Variants in NLRC5 observed in about 807,000 individuals in gnomAD.
NLRC5 encodes protein NLRC5.
A neutral mutation model predicts 206.9 loss-of-function variants in NLRC5; 114 were observed. That is an observed-to-expected ratio of 0.55 (90% CI 0.47 to 0.64). NLRC5 has a LOEUF of 0.64. Ranked by LOEUF, NLRC5 falls within the 30% of genes least tolerant of loss-of-function variation. The probability of loss-of-function intolerance (pLI) is 0.00; values close to 1 mark genes in which losing one functional copy is unlikely to be tolerated. For synonymous variants in NLRC5, 952 were observed against 962.8 expected (o/e 0.99, Z 0.21); for missense variants, 2,008 against 2,305.5 (o/e 0.87, Z 2.64).
chr16:57,023,906 G>A (rs571314521), intron 5 of NLRC5, 53 bp downstream of exon 5: 805 of 1,510,530 alleles, frequency 5.3e-4, no homozygotes, highest in Non-Finnish European at 6.9e-4. Flanking sequence ...TTGCCTGGGG[G>A]CCAAGACCCG....
chr16:57,045,287 A>G, intron 20 of NLRC5, 161 bp from the exon 21 acceptor site: 1 of 629,478 alleles, frequency 1.6e-6, no homozygotes, highest in East Asian at 2.8e-5. Flanking sequence ...TGTGCTTTGC[A>G]TGTGACTTGA....
Position 57,046,649 on chromosome 16 carries a change from C to T in NLRC5, c.3338+8C>T. 1 of 1,611,248 alleles carries T rather than the reference C, an allele frequency of 6.2e-7. No individual in the cohort carries two copies. Among genetic ancestry groups the T allele is most frequent in the Non-Finnish European group, 8.5e-7 (1 of 1,177,982 alleles). ...CATCCCCAGGAGCCTCTGGTACTGT[C>T]CCAGCCCTTCTTGTTTGGGGGTAAC... On this transcript the variant is annotated splice_region_variant and intron_variant, in intron 22 of 48. Transcript: ENST00000688547.
chr16:57,055,811 G>A (rs185665360), intron 27 of NLRC5, among the ~76,000 whole-genome samples: 13 of 152,306 alleles, frequency 8.5e-5, no homozygotes, highest in Admixed American at 4.6e-4. Flanking sequence ...GGGCTAAAAC[G>A]CAGGATTCAT....
chr16:57,072,832 A>T (rs1859015254), intron 38 of NLRC5, among the ~76,000 whole-genome samples: 4 of 152,034 alleles, frequency 2.6e-5, no homozygotes, highest in African/African-American at 7.2e-5. Context: ...TTTTCTACAT[A>T]TGTTTTGAAT....
At chr16:57,078,692 G>C (rs2068750237) in intron 43 of NLRC5, among the ~76,000 whole-genome samples, 1 of 151,848 alleles carries the variant, frequency 6.6e-6, no homozygotes, top group African/African-American at 2.4e-5. Context: ...GCTGGTCTTG[G>C]ACTCCTGGCC....
At position 57,026,997 on chromosome 16, in the gene NLRC5, G is replaced by C. The variant is rs373532672; in HGVS notation, c.2054G>C (p.Cys685Ser). 20 of 1,613,830 alleles carry C rather than the reference G, an allele frequency of 1.2e-5. No homozygotes were observed. The highest frequency in any genetic ancestry group is 1.6e-5 in the Non-Finnish European group (19 of 1,179,870). Residue 685 changes from cysteine (C) to serine (S), a missense_variant, in exon 6 of 49, where the codon TGT becomes TCT. Transcript: ENST00000688547. ...CACTGCCCTGAGGCTCTGGTAGGCT[G>C]TGGGCAGATAGAGAATCTCAGGTGA... The part of the protein sequence containing the change: ...EPHCPEALVG[C>S]GQIENLSFKS...
rs1207249409 is a variant in NLRC5, at chr16:57,026,862, C to A, written c.1919C>A (p.Pro640His). Residue 640 changes from proline (P) to histidine (H), a missense_variant, in exon 6 of 49, where the codon CCC (proline) becomes CAC (histidine). Transcript: ENST00000688547. ...GCACAAAGCCTCCCCTATCAACTGC[C>A]CTTCCACAATTTCCCACTGACCTGC... ...LTAQSLPYQLPFHNFPLTCTD... is the reference protein window; with the variant it reads ...LTAQSLPYQLHFHNFPLTCTD... 1.9e-6 allele frequency: 3 copies of A among 1,614,216 alleles called. No individual in the cohort carries two copies. The highest frequency in any genetic ancestry group is 2.5e-6 in the Non-Finnish European group (3 of 1,180,048).
In NLRC5 at chr16:57,026,398, A is replaced by G; in HGVS notation, c.1455A>G (p.Ile485Met). 2 of 1,614,114 alleles carry G rather than the reference A, an allele frequency of 1.2e-6. No homozygotes were observed. Among genetic ancestry groups the G allele is most frequent in the Non-Finnish European group, 8.5e-7 (1 of 1,180,026 alleles). ...CAAAAGATATTGCTCCACCCTTGATAGCTTTTGGGGCCACTCACAGCCTGC... is the reference window on the plus strand; with the variant it reads ...CAAAAGATATTGCTCCACCCTTGATGGCTTTTGGGGCCACTCACAGCCTGC... ...FYAKDIAPPL[I>M]AFGATHSLLT... is the part of the protein sequence containing the mutation. Residue 485 changes from isoleucine (I) to methionine (M), a missense_variant, in exon 6 of 49, where the codon ATA becomes ATG. By Grantham distance (10) the Ile-to-Met change is conservative. Transcript: ENST00000688547.
chr16:57,025,795 T>C lies in NLRC5; in HGVS notation c.852T>C (p.Pro284=), dbSNP rs1279537503. The C allele has an allele frequency of 6.2e-6, 10 of 1,614,100 alleles. No homozygotes were observed. The highest frequency in any genetic ancestry group is 8.5e-6 in the Non-Finnish European group (10 of 1,180,038). ...SELLFDLYLS[P]ESDHDTVFQY... ...TCCTTTTTGATCTGTACCTGAGCCC[T>C]GAATCGGACCACGACACTGTCTTCC... is the stretch of plus-strand genomic sequence containing the variant. Residue 284 remains proline, a synonymous_variant, in exon 6 of 49, where the codon CCT becomes CCC. Transcript: ENST00000688547.
chr16:57,011,621 G>C (rs1255017995), intron 1 of NLRC5, among the ~76,000 whole-genome samples: 1 of 151,686 alleles, frequency 6.6e-6, no homozygotes, highest in East Asian at 1.9e-4. Context: ...ACTCAGGAGG[G>C]TGAGGCAGGG....
intron 1 of NLRC5, chr16:56,991,915 G>A (rs1170072179): frequency 6.6e-6 from 1 of 152,268 alleles, no homozygotes; most frequent in Non-Finnish European, 1.5e-5. Flanking sequence ...TTGGAAATAG[G>A]GCTGTTGCAG....
chr16:57,025,753 C>T lies in NLRC5; in HGVS notation c.810C>T (p.Phe270=), dbSNP rs2061217010. The T allele has an allele frequency of 2.5e-6, 4 of 1,614,112 alleles. No homozygotes were observed. The highest frequency in any genetic ancestry group is 1.1e-5 in the South Asian group (1 of 91,088). Residue 270 remains phenylalanine, a synonymous_variant, in exon 6 of 49, where the codon TTC becomes TTT. Transcript: ENST00000688547. ...EFRQLNLITR[F]LTPSELLFDL... ...GCCAGCTCAACTTGATCACGAGGTT[C>T]CTGACACCGTCCGAGCTCCTTTTTG...
intron 21 of NLRC5, 86 bp from the exon 22 acceptor site, chr16:57,046,466 C>G: frequency 9.2e-7 from 1 of 1,091,780 alleles, no homozygotes; most frequent in Non-Finnish European, 1.4e-6. Flanking sequence ...CCTTTCTAAA[C>G]GATCCCCCTC....
At chr16:57,059,967 A>G (rs1383491806) in intron 30 of NLRC5, among the ~76,000 whole-genome samples, 1 of 152,040 alleles carries the variant, frequency 6.6e-6, no homozygotes, top group African/African-American at 2.4e-5. Flanking sequence ...GTTAATAAGT[A>G]TAAAGTGCCA....
intron 27 of NLRC5, among the ~76,000 whole-genome samples, chr16:57,056,491 T>A (rs1390181313): frequency 6.6e-6 from 1 of 152,164 alleles, no homozygotes; most frequent in Non-Finnish European, 1.5e-5. Context: ...AGTCTCACCA[T>A]GTTCCCCAGG....
rs772340743 is a variant in NLRC5 at position 57,026,430 on chromosome 16, C to T, written c.1487C>T (p.Ser496Phe). 3.1e-5 allele frequency: 50 copies of T among 1,614,024 alleles called. No individual in the cohort carries two copies. The highest frequency in any genetic ancestry group is 4.0e-5 in the Non-Finnish European group (47 of 1,180,010). The change falls in exon 6 of 49, where the codon TCC (serine) becomes TTC (phenylalanine). Residue 496 changes from serine (S) to phenylalanine (F), a missense_variant. By Grantham distance (155) the Ser-to-Phe change is radical. Transcript: ENST00000688547. ...GGGGCCACTCACAGCCTGCTGACTTCCTTCTGCGTCTGCACAGGCCCTGGG... is the reference window on the plus strand; with the variant it reads ...GGGGCCACTCACAGCCTGCTGACTTTCTTCTGCGTCTGCACAGGCCCTGGG... ...AFGATHSLLT[S>F]FCVCTGPGHQ...
chr16:57,020,833 C>G lies in NLRC5; in HGVS notation c.121C>G (p.Leu41Val), dbSNP rs776847858. The change falls in exon 3 of 49, where the codon CTG (leucine) becomes GTG (valine). Residue 41 changes from leucine to valine, a missense_variant. Transcript: ENST00000688547. ...GAAGTTCTTCCTCCCCAACACGGAC[C>G]TGGATTCCAGGAACGAGACCTTGGA... is the stretch of plus-strand genomic sequence containing the variant. ...KMKFFLPNTD[L>V]DSRNETLDPE... 1 of 1,613,592 alleles carries G rather than the reference C, an allele frequency of 6.2e-7. No individual in the cohort carries two copies. The highest frequency in any genetic ancestry group is 8.5e-7 in the Non-Finnish European group (1 of 1,179,938).
Position 57,055,422 on chromosome 16 carries a change from C to T in NLRC5, c.3660-11C>T, listed in dbSNP as rs778157289. 4.3e-6 allele frequency: 7 copies of T among 1,613,352 alleles called. No individual in the cohort carries two copies. The highest frequency in any genetic ancestry group is 5.9e-6 in the Non-Finnish European group (7 of 1,179,500). ...CCCCATCCCCTGCTTGTCCCCTTTACCTCCGTCCAGCAGGTTCACAGGCTG... is the reference window on the plus strand; with the variant it reads ...CCCCATCCCCTGCTTGTCCCCTTTATCTCCGTCCAGCAGGTTCACAGGCTG... On this transcript the variant is annotated splice_polypyrimidine_tract_variant and intron_variant, in intron 26 of 48. Coordinates refer to ENST00000688547, the MANE Select transcript of NLRC5 (RefSeq NM_001384950.1).
At chr16:57,003,348 C>G (rs1391517229) in intron 1 of NLRC5, among the ~76,000 whole-genome samples, 2 of 152,190 alleles carry the variant, frequency 1.3e-5, no homozygotes, top group African/African-American at 4.8e-5. Flanking sequence ...CCATGCCCAG[C>G]CTGGATTGAG....
Sources: allele counts gnomAD v4.1 joint callset (sites outside exome capture counted in the v4.1 genomes callset), GRCh38; gene constraint gnomAD v4.1.1; transcripts MANE v1.5; gene names NCBI Gene and HGNC (gene_info 2026-07-23, HGNC 2026-07-21).